The following ZNF84 variants were observed in gnomAD, a reference collection of about 807,000 sequenced individuals.
ZNF84 encodes the protein zinc finger protein HPF2.
In ZNF84, 12 loss-of-function variants were observed where a neutral mutation model predicts 14.8. The ratio of observed to expected loss-of-function variants is 0.81; its 90% CI spans 0.52 to 1.31. The LOEUF (loss-of-function observed/expected upper bound fraction) is 1.31. Among genes scored for constraint, ZNF84 ranks in the 50% most tolerant of loss-of-function variants. The pLI is 0.00. For missense variants in ZNF84, 859 were observed against 878.6 expected, an observed-to-expected ratio of 0.98 and a Z score of 0.28; for synonymous variants, 347 against 291.1, an observed-to-expected ratio of 1.19 and a Z score of -1.96.
chr12:133,056,484 A>G (rs1954160684), intron 4 of ZNF84, among the ~76,000 whole-genome samples: 1 of 151,900 alleles, frequency 6.6e-6, no homozygotes, highest in Admixed American at 6.6e-5. Context: ...CGATCTCCCA[A>G]CCTCATGATC....
intron 2 of ZNF84, among the ~76,000 whole-genome samples, chr12:133,042,835 T>G (rs1953909264): frequency 6.6e-6 from 1 of 152,208 alleles, no homozygotes; most frequent in Non-Finnish European, 1.5e-5. Flanking sequence ...TTTGATGAAT[T>G]GTTATCAGTG....
chr12:133,058,047 A>ACATCT lies in ZNF84; in HGVS notation c.1336_1340dup (p.His449TyrfsTer5). ...GTGGGAAGGCCTTCTCCCAGAAGTC[A>ACATCT]CATCTCATATCACATCAGATGACAC... On this transcript the variant is annotated frameshift_variant, in exon 5 of 5. Coordinates refer to ENST00000539354, the MANE Select transcript of ZNF84 (RefSeq NM_001289971.2). LOFTEE classifies it low-confidence loss of function (END_TRUNC). 6.2e-7 allele frequency: 1 copy of ACATCT among 1,613,904 alleles called. No individual in the cohort carries two copies. The highest frequency in any genetic ancestry group is 8.5e-7 in the Non-Finnish European group (1 of 1,179,990).
chr12:133,058,940 G>T lies in ZNF84; in HGVS notation c.*8G>T. The T allele has an allele frequency of 1.9e-6, 3 of 1,577,176 alleles. No individual in the cohort carries two copies. Among genetic ancestry groups the T allele is most frequent in the Non-Finnish European group, 2.6e-6 (3 of 1,165,968 alleles). On this transcript the variant is annotated 3_prime_UTR_variant, in exon 5 of 5. Transcript: ENST00000539354. ...ACAGTAAAAAAATCCTAGGAATACA[G>T]TTAATAGTAGTCTTTGACAGATCAT...
chr12:133,054,780 C>T (rs1954125785), intron 4 of ZNF84, among the ~76,000 whole-genome samples: 1 of 151,786 alleles, frequency 6.6e-6, no homozygotes, highest in African/African-American at 2.4e-5. Context: ...TTCAATGAAT[C>T]TTTGATTTCT....
At chr12:133,050,425 C>A (rs1954051546) in intron 4 of ZNF84, 3 of 398,324 alleles carry the variant, frequency 7.5e-6, no homozygotes, top group South Asian at 1.3e-4. Context: ...CAAGAAAGTT[C>A]TTGGGTAGAG....
intron 2 of ZNF84, 52 bp from the exon 3 acceptor site, chr12:133,047,903 C>T (rs963548364): frequency 1.2e-5 from 19 of 1,581,952 alleles, no homozygotes; most frequent in Non-Finnish European, 1.6e-5. Flanking sequence ...ATTTTTTTCT[C>T]ACATCATACG....
chr12:133,057,302 TATATC>T lies in ZNF84; in HGVS notation c.591_595del (p.Tyr197Ter). The stretch of plus-strand genomic sequence containing the variant: ...AGCTATAAAAAGTCACAGATTATCA[TATATC>T]ATAGAAATCGTTTAGGGGAGAAACT... On this transcript the variant is annotated frameshift_variant, in exon 5 of 5. Coordinates refer to ENST00000539354, the MANE Select transcript of ZNF84 (RefSeq NM_001289971.2). LOFTEE classifies it low-confidence loss of function (END_TRUNC). 1 of 1,613,336 alleles carries T rather than the reference TATATC, an allele frequency of 6.2e-7. No individual in the cohort carries two copies. Among genetic ancestry groups the T allele is most frequent in the Non-Finnish European group, 8.5e-7 (1 of 1,179,836 alleles).
chr12:133,044,929 A>G (rs984232578), intron 2 of ZNF84, among the ~76,000 whole-genome samples: 1 of 151,902 alleles, frequency 6.6e-6, no homozygotes, highest in African/African-American at 2.4e-5. Flanking sequence ...AAAAAAGAAT[A>G]TAGCTATCTC....
At chr12:133,048,720 G>A in intron 3 of ZNF84, 33 bp from the exon 4 acceptor site, 2 of 1,582,964 alleles carry the variant, frequency 1.3e-6, no homozygotes, top group East Asian at 2.2e-5. Flanking sequence ...CAAGCAGTTG[G>A]GCCCAAGGCC....
At chr12:133,041,127 A>G in intron 1 of ZNF84, 151 bp from the exon 2 acceptor site, 1 of 317,106 alleles carries the variant, frequency 3.2e-6, no homozygotes, top group Non-Finnish European at 5.7e-6. Context: ...GTTCCATTTT[A>G]CTATATTCTG....
rs1233955074 is a variant in ZNF84, at chr12:133,057,400, C to T, written c.685C>T (p.His229Tyr). ...KPSLIKHQSR[H>Y]IRDIAFGCGN... Reference sequence around the variant, plus strand: ...AAGTCTCATTAAACATCAGAGCAGACATATAAGAGACATAGCCTTTGGCTG... The same window carrying T: ...AAGTCTCATTAAACATCAGAGCAGATATATAAGAGACATAGCCTTTGGCTG... Residue 229 changes from histidine to tyrosine, a missense_variant, in exon 5 of 5, where the codon CAT becomes TAT. Transcript: ENST00000539354. 15 of 1,614,026 alleles carry T rather than the reference C, an allele frequency of 9.3e-6. No homozygotes were observed. The highest frequency in any genetic ancestry group is 6.8e-6 in the Non-Finnish European group (8 of 1,180,048).
intron 2 of ZNF84, among the ~76,000 whole-genome samples, chr12:133,046,232 C>G (rs1953974827): frequency 6.6e-6 from 1 of 152,032 alleles, no homozygotes; most frequent in African/African-American, 2.4e-5. Flanking sequence ...AAGAAAGTGT[C>G]CTAGCTAAGC....
At chr12:133,047,176 G>A (rs1953997571) in intron 2 of ZNF84, among the ~76,000 whole-genome samples, 1 of 151,680 alleles carries the variant, frequency 6.6e-6, no homozygotes, top group Non-Finnish European at 1.5e-5. Flanking sequence ...GTGGTTCAGG[G>A]GGTTTAAAGT....
intron 2 of ZNF84, among the ~76,000 whole-genome samples, chr12:133,046,880 T>A (rs1459205326): frequency 5.7e-5 from 6 of 105,880 alleles, no homozygotes; most frequent in African/African-American, 2.6e-4. Context: ...TTATATATAT[T>A]TATATATTAT....
intron 4 of ZNF84, among the ~76,000 whole-genome samples, chr12:133,052,222 T>G (rs759209760): frequency 6.6e-5 from 10 of 152,170 alleles, no homozygotes; most frequent in Admixed American, 1.3e-4. Context: ...ACCATGATCT[T>G]TTTCTGGGGA....
Position 133,045,269 on chromosome 12 carries a change from G to A in ZNF84, c.16-2686G>A, listed in dbSNP as rs1953960378. Among the ~76,000 whole-genome samples, 4 of 152,170 alleles carry A rather than the reference G, an allele frequency of 2.6e-5. No homozygotes were observed. In the South Asian group the frequency reaches 6.2e-4, roughly 24 times the overall value. On this transcript the variant is annotated intron_variant, in intron 2 of 4. Transcript: ENST00000539354. ...GTGGATCACCTGACGTCAGGAGTTC[G>A]AGAGCAGCCTGGCCAACATGGTGAA...
Position 133,057,299 on chromosome 12 carries a change from T to C in ZNF84, c.584T>C (p.Ile195Thr). 1 of 1,613,404 alleles carries C rather than the reference T, an allele frequency of 6.2e-7. No individual in the cohort carries two copies. The highest frequency in any genetic ancestry group is 8.5e-7 in the Non-Finnish European group (1 of 1,179,856). ...GAGAGCTATAAAAAGTCACAGATTA[T>C]CATATATCATAGAAATCGTTTAGGG... is the stretch of plus-strand genomic sequence containing the variant. ...YKESYKKSQI[I>T]IYHRNRLGEK... is the part of the protein sequence containing the mutation. Residue 195 changes from isoleucine to threonine, a missense_variant, in exon 5 of 5, where the codon ATC (isoleucine) becomes ACC (threonine). By Grantham distance (89) the Ile-to-Thr change is moderately conservative. Transcript: ENST00000539354.
chr12:133,048,386 C>T (rs913175230), intron 3 of ZNF84: 61 of 290,320 alleles, frequency 2.1e-4, no homozygotes, highest in African/African-American at 5.9e-4. Context: ...AAGTGCTTTA[C>T]GTATATCAAC....
rs1344440274 is a variant in ZNF84 at position 133,048,853 on chromosome 12, GTGTA to G, written c.238+8_238+11del. The G allele has an allele frequency of 1.9e-6, 3 of 1,610,620 alleles. No individual in the cohort carries two copies. Among genetic ancestry groups the G allele is most frequent in the African/African-American group, 2.7e-5 (2 of 74,836 alleles). ...TTCCAAGTTCAGATTCTCCAGGTGA[GTGTA>G]TGAGAACCAGGCAGATGGGAGAGAG... On this transcript the variant is annotated splice_donor_region_variant and intron_variant, in intron 4 of 4. Coordinates refer to ENST00000539354, the MANE Select transcript of ZNF84 (RefSeq NM_001289971.2).
Sources: allele counts gnomAD v4.1 joint callset (sites outside exome capture counted in the v4.1 genomes callset), GRCh38; gene constraint gnomAD v4.1.1; transcripts MANE v1.5; gene names NCBI Gene and HGNC (gene_info 2026-07-23, HGNC 2026-07-21).